The following VWA3A variants were observed in gnomAD, a reference collection of about 807,000 sequenced individuals.
VWA3A encodes the protein von Willebrand factor A domain-containing protein 3A.
Under a neutral mutation model 160.4 loss-of-function variants are expected in VWA3A, and 134 were observed. The observed-to-expected ratio is 0.84, with a 90% CI of 0.73 to 0.96. The LOEUF is 0.96. Among genes scored for constraint, VWA3A ranks in the 40% least tolerant of loss-of-function variants. The probability of loss-of-function intolerance (pLI) is 0.00; values close to 1 mark genes in which losing one functional copy is unlikely to be tolerated. For synonymous variants in VWA3A, 476 were observed against 543.4 expected, an observed-to-expected ratio of 0.88 and a Z score of 1.72; for missense variants, 1,310 against 1,447.9, an observed-to-expected ratio of 0.90 and a Z score of 1.55.
In VWA3A at chr16:22,151,288, AAAG is replaced by A. The variant is rs1234063159; in HGVS notation, c.3281+445_3281+447del. ...GAGTGAGACTGTCAAAAAAAAAAAA[AAAG>A]AAAGAAAAGAAAGAAGTTAGGAGAA... On this transcript the variant is annotated intron_variant, in intron 30 of 33. Coordinates refer to ENST00000389398, the MANE Select transcript of VWA3A (RefSeq NM_173615.5). Among the ~76,000 whole-genome samples, 6 of 152,080 alleles carry A rather than the reference AAAG, an allele frequency of 3.9e-5. No individual in the cohort carries two copies. In the East Asian group the frequency reaches 9.6e-4, roughly 24 times the overall value.
At chr16:22,123,326 C>T (rs532395304) in intron 15 of VWA3A, 161 bp downstream of exon 15, 1,111 of 1,130,104 alleles carry the variant, frequency 9.8e-4, no homozygotes, top group Non-Finnish European at 1.3e-3. Flanking sequence ...TGGCCATCTC[C>T]TCCCCAAGCA....
Position 22,097,525 on chromosome 16 carries a change from C to G in VWA3A, c.102-47C>G, listed in dbSNP as rs1171941665. On this transcript the variant is annotated intron_variant, in intron 2 of 33. Coordinates refer to ENST00000389398, the MANE Select transcript of VWA3A (RefSeq NM_173615.5). ...AGAGGAGGCACTGGGGGTATCAAACCTATGCCCAGTGCTGGGGCATTGATC... is the reference window on the plus strand; with the variant it reads ...AGAGGAGGCACTGGGGGTATCAAACGTATGCCCAGTGCTGGGGCATTGATC... 12 of 1,545,854 alleles carry G rather than the reference C, an allele frequency of 7.8e-6. No individual in the cohort carries two copies. The Admixed American group carries it at 2.4e-4, about 30-fold the overall frequency.
chr16:22,116,365 AGG>A, intron 9 of VWA3A: 1 of 446,952 alleles, frequency 2.2e-6, no homozygotes, highest in South Asian at 1.6e-5. Flanking sequence ...GAAGGAAAGA[AGG>A]AAGAGAGAAA....
At chr16:22,115,909 GGAAGGAAGGAAGGAAAGGAAAGGA>G (rs2045628979) in intron 9 of VWA3A, among the ~76,000 whole-genome samples, 1 of 35,414 alleles carries the variant, frequency 2.8e-5, no homozygotes, top group African/African-American at 6.4e-4. Context: ...AAGGAAGGAA[GGAAGGAAGGAAGGAAAGGAAAGGA>G]AAGGAAGGGA....
chr16:22,149,634 A>G (rs2046312659), intron 28 of VWA3A, among the ~76,000 whole-genome samples, 153 bp from the exon 29 acceptor site: 1 of 152,140 alleles, frequency 6.6e-6, no homozygotes, highest in African/African-American at 2.4e-5. Context: ...CCTCTCCCTG[A>G]GGGGCCACAG....
chr16:22,108,568 G>A (rs761435538), intron 6 of VWA3A, among the ~76,000 whole-genome samples: 37 of 152,158 alleles, frequency 2.4e-4, no homozygotes, highest in Non-Finnish European at 5.3e-4. Flanking sequence ...AGTACAGAAA[G>A]GGAGTGCTGG....
chr16:22,119,223 C>T (rs1056959642), intron 12 of VWA3A, among the ~76,000 whole-genome samples, 196 bp downstream of exon 12: 2 of 152,150 alleles, frequency 1.3e-5, no homozygotes, highest in East Asian at 1.9e-4. Context: ...ACCATGGTAC[C>T]GGAAAGATTC....
At chr16:22,133,432 G>T (rs553965135) in intron 20 of VWA3A, among the ~76,000 whole-genome samples, 1 of 152,080 alleles carries the variant, frequency 6.6e-6, no homozygotes, top group South Asian at 2.1e-4. Context: ...TGGTCAGATC[G>T]CTTGAGATCA....
At chr16:22,126,857 A>G (rs1482529989) in intron 17 of VWA3A, among the ~76,000 whole-genome samples, 1 of 151,898 alleles carries the variant, frequency 6.6e-6, no homozygotes, top group African/African-American at 2.4e-5. Flanking sequence ...TAATAAATAA[A>G]TAAAATTATA....
rs376135336 is a variant in VWA3A, at chr16:22,131,534, G to A, written c.1728-51G>A. ...GCTCTCAGCTACTCCCAAAAGGTAT[G>A]CCCTGGGCATGGGCCAATGACCCTC... On this transcript the variant is annotated intron_variant, in intron 18 of 33. Coordinates refer to ENST00000389398, the MANE Select transcript of VWA3A (RefSeq NM_173615.5). 488 of 1,598,798 alleles carry A rather than the reference G, an allele frequency of 3.1e-4. No homozygotes were observed. In the African/African-American group the frequency reaches 6.0e-3, roughly 20 times the overall value.
chr16:22,105,341 C>G (rs190743820), intron 6 of VWA3A, among the ~76,000 whole-genome samples: 108 of 152,302 alleles, frequency 7.1e-4, no homozygotes, highest in African/African-American at 2.5e-3. Context: ...AAACGATCAC[C>G]TGTAAATCAG....
intron 13 of VWA3A, 103 bp from the exon 14 acceptor site, chr16:22,121,411 T>A (rs935786958): frequency 4.0e-6 from 4 of 989,826 alleles, no homozygotes; most frequent in Non-Finnish European, 6.3e-6. Context: ...GCCACTGCAC[T>A]CTAGCCTGGG....
intron 9 of VWA3A, among the ~76,000 whole-genome samples, chr16:22,115,918 G>GAAGGAAGGAAAGGA (rs2045630381): frequency 3.2e-5 from 1 of 31,386 alleles, no homozygotes; most frequent in Non-Finnish European, 4.5e-5. Flanking sequence ...AGGAAGGAAG[G>GAAGGAAGGAAAGGA]AAGGAAAGGA....
intron 14 of VWA3A, among the ~76,000 whole-genome samples, chr16:22,122,512 G>T (rs1372424113): frequency 6.6e-6 from 1 of 152,184 alleles, no homozygotes; most frequent in African/African-American, 2.4e-5. Flanking sequence ...TGAATAGAAA[G>T]ATGGCAGAAA....
At chr16:22,097,469 T>C in intron 2 of VWA3A, 103 bp from the exon 3 acceptor site, 1 of 1,434,256 alleles carries the variant, frequency 7.0e-7, no homozygotes, top group Non-Finnish European at 9.2e-7. Flanking sequence ...AGAAAAATGT[T>C]TCTAGAATCC....
chr16:22,104,372 C>T (rs1436186774), intron 6 of VWA3A, among the ~76,000 whole-genome samples: 1 of 152,080 alleles, frequency 6.6e-6, no homozygotes, highest in Non-Finnish European at 1.5e-5. Flanking sequence ...GCCTGCAATC[C>T]CAGCTATGCA....
At chr16:22,126,111 A>G in intron 16 of VWA3A, 67 bp from the exon 17 acceptor site, 1 of 1,598,614 alleles carries the variant, frequency 6.3e-7, no homozygotes, top group Non-Finnish European at 8.5e-7. Context: ...TTAAATAGTA[A>G]AATGGAACAA....
intron 26 of VWA3A, among the ~76,000 whole-genome samples, chr16:22,145,302 A>G (rs373519561): frequency 1.6e-4 from 24 of 152,172 alleles, no homozygotes; most frequent in East Asian, 1.2e-3. Context: ...TTCAAAATTT[A>G]TGAACTTCTT....
intron 28 of VWA3A, among the ~76,000 whole-genome samples, chr16:22,149,448 TTGC>T (rs2046309946): frequency 6.6e-6 from 1 of 152,202 alleles, no homozygotes. Context: ...TCTCACTATG[TTGC>T]CCAGGCTGGT....
Sources: gnomAD v4.1 joint callset for allele counts (sites outside exome capture counted in the v4.1 genomes callset) on GRCh38, gnomAD v4.1.1 for gene constraint, MANE v1.5 for transcripts, NCBI Gene and HGNC (gene_info 2026-07-23, HGNC 2026-07-21) for gene names.